Variants in KDM2B observed in about 807,000 individuals in gnomAD.
The protein encoded by KDM2B is lysine-specific demethylase 2B.
Under a neutral mutation model 150.0 loss-of-function variants are expected in KDM2B, and 26 were observed. The ratio of observed to expected loss-of-function variants is 0.17; its 90% CI spans 0.13 to 0.24. KDM2B has a LOEUF of 0.24. Ranked by LOEUF, KDM2B falls within the 10% of genes least tolerant of loss-of-function variation. KDM2B has a pLI of 1.00. For synonymous variants in KDM2B, 734 were observed against 729.5 expected, an observed-to-expected ratio of 1.01 and a Z score of -0.10; for missense variants, 1,265 against 1,816.9, an observed-to-expected ratio of 0.70 and a Z score of 5.52.
intron 6 of KDM2B, among the ~76,000 whole-genome samples, chr12:121,546,378 C>CTTTT (rs1566402100): frequency 6.5e-5 from 6 of 92,454 alleles, no homozygotes; most frequent in African/African-American, 3.1e-4. Flanking sequence ...TTTTTTTTTG[C>CTTTT]CTTTTTTTTT....
chr12:121,467,005 C>A lies in KDM2B; in HGVS notation c.1735-13661G>T, dbSNP rs1880087993. Among the ~76,000 whole-genome samples, 1 of 148,760 alleles carries A rather than the reference C, an allele frequency of 6.7e-6. No homozygotes were observed. Among genetic ancestry groups the A allele is most frequent in the African/African-American group, 2.4e-5 (1 of 41,028 alleles). On this transcript the variant is annotated intron_variant, in intron 12 of 22. Transcript: ENST00000377071. This position sits in a 1 kb window ranked among gnomAD's most constrained non-coding sequence, Gnocchi z 5.1. Reference sequence around the variant, plus strand: ...CTGCCGCGCTCCTCTACGCCCCGCTCGGGCCCGGCCCCGGCCGCCCCGCCG... The same window carrying A: ...CTGCCGCGCTCCTCTACGCCCCGCTAGGGCCCGGCCCCGGCCGCCCCGCCG...
chr12:121,409,067 C>T, the KDM2B span, among the ~76,000 whole-genome samples: 2 of 152,132 alleles, frequency 1.3e-5, no homozygotes, highest in South Asian at 4.1e-4. Context: ...GCAACCTCCA[C>T]CTCCCAGGTT....
intron 8 of KDM2B, 119 bp downstream of exon 8, chr12:121,532,687 C>G (rs547412809): frequency 4.6e-4 from 478 of 1,046,828 alleles, no homozygotes; most frequent in Non-Finnish European, 6.1e-4. Flanking sequence ...TGGCTCCCCT[C>G]GGGGACTGCC....
chr12:121,442,415 C>T lies in KDM2B; in HGVS notation c.3026G>A (p.Arg1009Gln), dbSNP rs781983603. 54 of 1,597,150 alleles carry T rather than the reference C, an allele frequency of 3.4e-5. No homozygotes were observed. The highest frequency in any genetic ancestry group is 1.8e-4 in the Middle Eastern group (1 of 5,618). ...GCGCAGGCTGGGCCCCAGCTGGTGC[C>T]GCAGCTCCCGGGGGGTGCCGTTGAG... ...KGLNGTPRELRHQLGPSLRSP... is the reference protein window; with the variant it reads ...KGLNGTPRELQHQLGPSLRSP... The change falls in exon 19 of 23, where the codon CGG (arginine) becomes CAG (glutamine). Residue 1009 changes from arginine (R) to glutamine (Q), a missense_variant. Physicochemically the swap from Arg to Gln is conservative, Grantham distance 43. Around this residue, in one of 11 missense-constraint regions of KDM2B, gnomAD observed 418 missense variants for 402.4 expected, o/e 1.04. Coordinates refer to ENST00000377071, the MANE Select transcript of KDM2B (RefSeq NM_032590.5). This position sits in a 1 kb window ranked among gnomAD's most constrained non-coding sequence, Gnocchi z 7.7.
At position 121,518,428 on chromosome 12, in the gene KDM2B, A is replaced by G. The variant is rs371052850; in HGVS notation, c.1047+2557T>C. Among the ~76,000 whole-genome samples, 9 of 152,298 alleles carry G rather than the reference A, an allele frequency of 5.9e-5. No individual in the cohort carries two copies. Among genetic ancestry groups the G allele is most frequent in the African/African-American group, 2.2e-4 (9 of 41,572 alleles). Reference sequence around the variant, plus strand: ...GATTAAACAACCTGCCGCTGCTCCCAGCCCAGTCTGCCCCCAAGCCCCCGC... The same window carrying G: ...GATTAAACAACCTGCCGCTGCTCCCGGCCCAGTCTGCCCCCAAGCCCCCGC... On this transcript the variant is annotated intron_variant, in intron 9 of 22. Coordinates refer to ENST00000377071, the MANE Select transcript of KDM2B (RefSeq NM_032590.5). The surrounding 1 kb of genome is among the most constrained non-coding windows in gnomAD (Gnocchi z 4.4).
rs111580714 is a variant in KDM2B, at chr12:121,466,135, GA to G, written c.1735-12792del. Among the ~76,000 whole-genome samples the G allele has an allele frequency of 9.4e-3, 1,340 of 141,934 alleles. 16 individuals carry two copies. Among genetic ancestry groups the G allele is most frequent in the African/African-American group, 0.027 (1,044 of 38,744 alleles). The allele number at this position is 141,934 out of a possible 152,430, so 93.1% of individuals were successfully genotyped here. A position where few individuals can be genotyped will look rare whatever the true frequency, so the allele number is the denominator to read the frequency against. ...CACTTCCTCAATTGCACCTAATGAT[GA>G]AAAAAAAAAAAAGTTACCACATTTT... is the stretch of plus-strand genomic sequence containing the variant. On this transcript the variant is annotated intron_variant, in intron 12 of 22. Transcript: ENST00000377071.
At position 121,444,145 on chromosome 12, in the gene KDM2B, G is replaced by T. The variant is rs370460941; in HGVS notation, c.2318C>A (p.Ala773Glu). The T allele has an allele frequency of 1.2e-5, 19 of 1,612,368 alleles. No individual in the cohort carries two copies. In the African/African-American group the frequency reaches 2.3e-4, roughly 19 times the overall value. Residue 773 changes from alanine (A) to glutamate (E), a missense_variant, in exon 16 of 23, where the codon GCG (alanine) becomes GAG (glutamate). Around this residue, in one of 11 missense-constraint regions of KDM2B, gnomAD observed 418 missense variants for 402.4 expected, o/e 1.04. Transcript: ENST00000377071. ...GTGCTCATCCGACCTGCGCCGGGGC[G>T]CCTCCTCACACTCACTCCTCCGCTT... ...PAKRRSECEE[A>E]PRRRSDEHSK...
chr12:121,554,033 C>CCACACACACACACACACA (rs56659514), intron 4 of KDM2B, among the ~76,000 whole-genome samples: 9 of 122,064 alleles, frequency 7.4e-5, no homozygotes, highest in South Asian at 5.8e-4. Flanking sequence ...CACCCCAGCT[C>CCACACACACACACACACA]CACACACACA....
chr12:121,566,359 C>T (rs146191080), intron 4 of KDM2B, among the ~76,000 whole-genome samples: 2,935 of 152,196 alleles, frequency 0.019, 107 homozygotes, highest in East Asian at 0.15. Context: ...CAGTGGCTCA[C>T]GCCTGTAATC....
intron 6 of KDM2B, among the ~76,000 whole-genome samples, chr12:121,543,920 A>C (rs1205761891): frequency 1.3e-5 from 2 of 151,962 alleles, no homozygotes; most frequent in Non-Finnish European, 2.9e-5. Context: ...CCAGGAGGTC[A>C]AGACCAGCCT....
rs782650251 is a variant in KDM2B, at chr12:121,440,082, G to A, written c.3611-7C>T. On this transcript the variant is annotated splice_region_variant and splice_polypyrimidine_tract_variant and intron_variant, in intron 21 of 22. Coordinates refer to ENST00000377071, the MANE Select transcript of KDM2B (RefSeq NM_032590.5). The stretch of plus-strand genomic sequence containing the variant: ...CTCCGATTGTCCATCTGACCTGGTG[G>A]GGCAGGAAGGAGGGGGCAACCCGTC... The A allele has an allele frequency of 1.9e-6, 3 of 1,589,180 alleles. No homozygotes were observed. Among genetic ancestry groups the A allele is most frequent in the African/African-American group, 2.7e-5 (2 of 74,478 alleles).
At chr12:121,554,033 CCACACACACACACACA>C (rs56659514) in intron 4 of KDM2B, among the ~76,000 whole-genome samples, 91 of 122,062 alleles carry the variant, frequency 7.5e-4, no homozygotes, top group Admixed American at 5.0e-3. Context: ...CACCCCAGCT[CCACACACACACACACA>C]CACACACACA....
intron 12 of KDM2B, among the ~76,000 whole-genome samples, chr12:121,489,967 C>T (rs1883180015): frequency 6.6e-6 from 1 of 152,188 alleles, no homozygotes; most frequent in South Asian, 2.1e-4. Flanking sequence ...GCCTCCTCCG[C>T]CTCAACTGCA....
At position 121,430,877 on chromosome 12, in the gene KDM2B, T is replaced by C. The variant is rs1872884787; in HGVS notation, c.3830-408A>G. ...CTCTATGTCTATTACTGTGCATTTA[T>C]TTGCCTCCTCCCTTCAGATAAATTC... On this transcript the variant is annotated intron_variant, in intron 22 of 22. Coordinates refer to ENST00000377071, the MANE Select transcript of KDM2B (RefSeq NM_032590.5). The surrounding 1 kb of genome is among the most constrained non-coding windows in gnomAD (Gnocchi z 4.4). 6.6e-6 allele frequency among the ~76,000 whole-genome samples: 1 copy of C among 152,236 alleles called. No homozygotes were observed. The highest frequency in any genetic ancestry group is 1.5e-5 in the Non-Finnish European group (1 of 68,046).
At position 121,575,322 on chromosome 12, in the gene KDM2B, C is replaced by T. The variant is rs1430210068; in HGVS notation, c.350+459G>A. 6.6e-6 allele frequency among the ~76,000 whole-genome samples: 1 copy of T among 152,164 alleles called. No individual in the cohort carries two copies. The highest frequency in any genetic ancestry group is 1.5e-5 in the Non-Finnish European group (1 of 68,038). On this transcript the variant is annotated intron_variant, in intron 3 of 22. Transcript: ENST00000377071. This position sits in a 1 kb window ranked among gnomAD's most constrained non-coding sequence, Gnocchi z 4.4. ...AATGAAAACAGACATAGTGGAGGGG[C>T]AAGCTGCAGGGCAGGCAAAGAAAGG...
At chr12:121,426,005 G>A (rs1159573687), downstream of KDM2B, among the ~76,000 whole-genome samples, 1 of 152,016 alleles carries the variant, frequency 6.6e-6, no homozygotes, top group Non-Finnish European at 1.5e-5. Flanking sequence ...CTGACCTCAT[G>A]ATCCACCCGC....
the KDM2B span, among the ~76,000 whole-genome samples, chr12:121,421,671 AT>A: frequency 6.6e-6 from 1 of 152,152 alleles, no homozygotes; most frequent in Non-Finnish European, 1.5e-5. Flanking sequence ...AGTTGTATTT[AT>A]TTTTTTCTTT....
At chr12:121,411,718 G>A in the KDM2B span, among the ~76,000 whole-genome samples, 1 of 152,170 alleles carries the variant, frequency 6.6e-6, no homozygotes, top group African/African-American at 2.4e-5. Flanking sequence ...GTCATACCAT[G>A]GTGGAAAGAG....
chr12:121,529,436 G>T (rs906330661), intron 8 of KDM2B, among the ~76,000 whole-genome samples: 4 of 152,094 alleles, frequency 2.6e-5, no homozygotes, highest in African/African-American at 9.7e-5. Flanking sequence ...TCAGGTCAGA[G>T]GTGGGAAATG....
Sources: gnomAD v4.1 joint callset for allele counts (sites outside exome capture counted in the v4.1 genomes callset) on GRCh38, gnomAD v4.1.1 for gene constraint, gnomAD v4.1.1 regional missense constraint, Gnocchi (gnomAD v3.1) non-coding constraint, MANE v1.5 for transcripts, NCBI Gene and HGNC (gene_info 2026-07-23, HGNC 2026-07-21) for gene names.